Variants in INPP5D observed in about 807,000 individuals in gnomAD.
INPP5D encodes inositol polyphosphate-5-phosphatase D, also known as phosphatidylinositol 3,4,5-trisphosphate 5-phosphatase 1.
A neutral mutation model predicts 122.9 loss-of-function variants in INPP5D; 33 were observed. That is an observed-to-expected ratio of 0.27 (90% CI 0.20 to 0.36). INPP5D has a LOEUF of 0.36. Ranked by LOEUF, INPP5D falls within the 10% of genes least tolerant of loss-of-function variation. The pLI, the probability that INPP5D is intolerant of heterozygous loss-of-function variation, is 1.00. For synonymous variants in INPP5D, 584 were observed against 576.2 expected (o/e 1.01, Z -0.19); for missense variants, 1,053 against 1,412.7 (o/e 0.75, Z 4.08).
intron 25 of INPP5D, among the ~76,000 whole-genome samples, chr2:233,201,623 G>A (rs1695344160): frequency 6.6e-6 from 1 of 152,244 alleles, no homozygotes; most frequent in South Asian, 2.1e-4. Context: ...CCAGACCCAA[G>A]TGCAGGGACT....
intron 9 of INPP5D, among the ~76,000 whole-genome samples, chr2:233,155,981 T>G (rs908783483): frequency 1.3e-5 from 2 of 152,174 alleles, no homozygotes; most frequent in Non-Finnish European, 2.9e-5. Context: ...ACCCAGTGGA[T>G]GATCATATTC....
At chr2:233,104,757 G>A (rs1052416229) in intron 2 of INPP5D, among the ~76,000 whole-genome samples, 1 of 152,204 alleles carries the variant, frequency 6.6e-6, no homozygotes, top group Non-Finnish European at 1.5e-5. Context: ...GCTTGAGATG[G>A]ACAAGTGCAA....
intron 11 of INPP5D, among the ~76,000 whole-genome samples, chr2:233,162,259 C>T (rs978854987): frequency 6.6e-5 from 10 of 150,476 alleles, no homozygotes; most frequent in Admixed American, 2.7e-4. Flanking sequence ...GAGATAGGTA[C>T]GTAGACAAAG....
chr2:233,182,809 G>C (rs776666350), intron 19 of INPP5D, among the ~76,000 whole-genome samples: 1 of 152,130 alleles, frequency 6.6e-6, no homozygotes, highest in Non-Finnish European at 1.5e-5. Flanking sequence ...GATGGGAGGA[G>C]GGGGCGGGGG....
intron 2 of INPP5D, among the ~76,000 whole-genome samples, chr2:233,097,463 T>C (rs1692177015): frequency 1.3e-5 from 2 of 152,234 alleles, no homozygotes; most frequent in Admixed American, 1.3e-4. Flanking sequence ...CAATTTGAGA[T>C]CATGGTTTCT....
At chr2:233,079,209 C>G (rs1245138095) in intron 1 of INPP5D, 126 bp from the exon 2 acceptor site, 1 of 667,176 alleles carries the variant, frequency 1.5e-6, no homozygotes, top group Non-Finnish European at 2.7e-6. Flanking sequence ...AGAGAACGGT[C>G]AGCTCCGAAA....
intron 20 of INPP5D, 38 bp downstream of exon 20, chr2:233,184,559 C>T: frequency 6.2e-7 from 1 of 1,610,536 alleles, no homozygotes; most frequent in Non-Finnish European, 8.5e-7. Flanking sequence ...GCAGAACTGC[C>T]CGGAGCCTTC....
intron 3 of INPP5D, 48 bp from the exon 4 acceptor site, chr2:233,125,697 T>G (rs1574747583): frequency 1.3e-6 from 2 of 1,553,400 alleles, no homozygotes; most frequent in Non-Finnish European, 1.7e-6. Flanking sequence ...GAAGGCCGGG[T>G]TGTGCGCACA....
intron 2 of INPP5D, among the ~76,000 whole-genome samples, chr2:233,085,202 A>G (rs1216029209): frequency 2.0e-5 from 3 of 152,102 alleles, no homozygotes; most frequent in Non-Finnish European, 4.4e-5. Context: ...CCTGGGCAAC[A>G]TGGTGAAACC....
chr2:233,068,903 G>T (rs1467194158), intron 1 of INPP5D, among the ~76,000 whole-genome samples: 2 of 152,164 alleles, frequency 1.3e-5, no homozygotes, highest in Non-Finnish European at 2.9e-5. Flanking sequence ...AGGGATGGGG[G>T]CACAGAGGCA....
chr2:233,195,522 G>C lies in INPP5D; in HGVS notation c.2693+27G>C, dbSNP rs376212282. The C allele has an allele frequency of 1.5e-4, 238 of 1,612,512 alleles. 1 individual carries two copies. Among genetic ancestry groups the C allele is most frequent in the African/African-American group, 6.5e-4 (49 of 74,970 alleles). On this transcript the variant is annotated intron_variant, in intron 24 of 26. Coordinates refer to ENST00000445964, the MANE Select transcript of INPP5D (RefSeq NM_001017915.3). ...TAAAGTGGGCGTGGGGTGGGTGTTG[G>C]GGGGGGTGGATATCAGGGACTCATG... is the stretch of plus-strand genomic sequence containing the variant.
At chr2:233,096,007 G>T (rs904424422) in intron 2 of INPP5D, among the ~76,000 whole-genome samples, 1 of 152,178 alleles carries the variant, frequency 6.6e-6, no homozygotes, top group South Asian at 2.1e-4. Flanking sequence ...TGCATCTTTT[G>T]TGCTTTTTAA....
At chr2:233,087,408 C>A (rs903771366) in intron 2 of INPP5D, among the ~76,000 whole-genome samples, 1 of 152,144 alleles carries the variant, frequency 6.6e-6, no homozygotes, top group Non-Finnish European at 1.5e-5. Context: ...CTCACTGCAA[C>A]CCCTGCCTCC....
At chr2:233,109,807 C>T (rs1442903882) in intron 2 of INPP5D, among the ~76,000 whole-genome samples, 2 of 148,866 alleles carry the variant, frequency 1.3e-5, no homozygotes, top group African/African-American at 2.5e-5. Context: ...AGGCTGGTCT[C>T]GAACTCCTGA....
In INPP5D at chr2:233,186,684, C is replaced by CTTTTTTTTTTTTTTTTTTTTTTT. The variant is rs144243823; in HGVS notation, c.2358+793_2358+815dup. ...CTTGTTTTTTTTTCTTTTTCTCTTT[C>CTTTTTTTTTTTTTTTTTTTTTTT]TTTTTTTTTTTTTTTTTTTTTTTTT... On this transcript the variant is annotated intron_variant, in intron 21 of 26. Coordinates refer to ENST00000445964, the MANE Select transcript of INPP5D (RefSeq NM_001017915.3). Among the ~76,000 whole-genome samples the CTTTTTTTTTTTTTTTTTTTTTTT allele has an allele frequency of 3.8e-4, 17 of 44,556 alleles. 3 individuals are homozygous for CTTTTTTTTTTTTTTTTTTTTTTT. Among genetic ancestry groups the CTTTTTTTTTTTTTTTTTTTTTTT allele is most frequent in the Non-Finnish European group, 5.2e-4 (12 of 23,232 alleles). 29.2% of individuals were successfully genotyped at this position (44,556 alleles called of 152,430 possible).
At chr2:233,102,871 A>AAAAAAAAAAAC (rs1355505867) in intron 2 of INPP5D, among the ~76,000 whole-genome samples, 1 of 148,518 alleles carries the variant, frequency 6.7e-6, no homozygotes, top group Non-Finnish European at 1.5e-5. Context: ...AAAACAACCA[A>AAAAAAAAAAAC]AAAACCACAG....
At position 233,204,403 on chromosome 2, in the gene INPP5D, T is replaced by A. The variant is rs1205269469; in HGVS notation, c.3253T>A (p.Ser1085Thr). 5 of 1,610,188 alleles carry A rather than the reference T, an allele frequency of 3.1e-6. No individual in the cohort carries two copies. Among genetic ancestry groups the A allele is most frequent in the Non-Finnish European group, 3.4e-6 (4 of 1,178,744 alleles). Reference sequence around the variant, plus strand: ...GCAGGTGCCCGCGCCCCGGCTGCGCTCCTTCACGTGCTCATCCTCTGCCGA... The same window carrying A: ...GCAGGTGCCCGCGCCCCGGCTGCGCACCTTCACGTGCTCATCCTCTGCCGA... ...GKQVPAPRLR[S>T]FTCSSSAEGR... The change falls in exon 26 of 27, where the codon TCC (serine) becomes ACC (threonine). Residue 1085 changes from serine to threonine, a missense_variant. Physicochemically the swap from Ser to Thr is moderately conservative, Grantham distance 58. This residue lies in a region of INPP5D where 417 missense variants were observed against 425.8 expected (regional missense o/e 0.98). Coordinates refer to ENST00000445964, the MANE Select transcript of INPP5D (RefSeq NM_001017915.3).
chr2:233,116,248 G>GATAGATAGATATAGATATAGATATAGAT lies in INPP5D; in HGVS notation c.199-5852_199-5851insGATATAGATATAGATATAGATATAGATA, dbSNP rs34084880. ...ATGTAGATAGATAGATAGATAGATAGATAGATATAGATATAGATATAGATA... is the reference window on the plus strand; with the variant it reads ...ATGTAGATAGATAGATAGATAGATAGATAGATAGATATAGATATAGATATAGATATAGATATAGATATAGATATAGATA... On this transcript the variant is annotated intron_variant, in intron 2 of 26. Transcript: ENST00000445964. Among the ~76,000 whole-genome samples the GATAGATAGATATAGATATAGATATAGAT allele has an allele frequency of 2.5e-3, 342 of 135,228 alleles. 3 individuals are homozygous for GATAGATAGATATAGATATAGATATAGAT. Among genetic ancestry groups the GATAGATAGATATAGATATAGATATAGAT allele is most frequent in the African/African-American group, 0.01 (328 of 32,040 alleles). 88.7% of individuals were successfully genotyped at this position (135,228 alleles called of 152,430 possible).
At chr2:233,135,059 T>C (rs2106268085) in intron 5 of INPP5D, among the ~76,000 whole-genome samples, 1 of 149,872 alleles carries the variant, frequency 6.7e-6, no homozygotes, top group African/African-American at 2.5e-5. Context: ...CTTGAAGAAG[T>C]AGGAAAAAAT....
Sources: gnomAD v4.1 joint callset for allele counts (sites outside exome capture counted in the v4.1 genomes callset) on GRCh38, gnomAD v4.1.1 for gene constraint, gnomAD v4.1.1 regional missense constraint, MANE v1.5 for transcripts, NCBI Gene and HGNC (gene_info 2026-07-23, HGNC 2026-07-21) for gene names.